Variants in TMTC4 observed in about 807,000 individuals in gnomAD.
TMTC4 encodes the protein protein O-mannosyl-transferase TMTC4.
Under a neutral mutation model 86.0 loss-of-function variants are expected in TMTC4, and 65 were observed. The ratio of observed to expected loss-of-function variants is 0.76; its 90% CI spans 0.62 to 0.93. The LOEUF (loss-of-function observed/expected upper bound fraction) is 0.93. TMTC4 is among the 40% of genes least tolerant of loss of function. The probability of loss-of-function intolerance (pLI) is 0.00; values close to 1 mark genes in which losing one functional copy is unlikely to be tolerated. For missense variants in TMTC4, 866 were observed against 948.1 expected, an observed-to-expected ratio of 0.91 and a Z score of 1.14; for synonymous variants, 379 against 382.5, an observed-to-expected ratio of 0.99 and a Z score of 0.11.
intron 8 of TMTC4, 27 bp from the exon 9 acceptor site, chr13:100,637,729 G>A (rs763772969): frequency 1.9e-6 from 3 of 1,603,302 alleles, no homozygotes; most frequent in African/African-American, 1.3e-5. Context: ...AAGCCCCAGA[G>A]GTGGCTGATT....
intron 6 of TMTC4, among the ~76,000 whole-genome samples, chr13:100,651,273 A>G (rs1421230433): frequency 6.6e-6 from 1 of 152,180 alleles, no homozygotes; most frequent in African/African-American, 2.4e-5. Flanking sequence ...CCAATCTGAA[A>G]TACCAGGCTT....
chr13:100,672,633 G>A (rs561802117), intron 1 of TMTC4, among the ~76,000 whole-genome samples: 1 of 152,124 alleles, frequency 6.6e-6, no homozygotes, highest in African/African-American at 2.4e-5. Context: ...TGGGACTATA[G>A]GCATATGCCA....
chr13:100,614,892 G>A, intron 15 of TMTC4: 2 of 984,510 alleles, frequency 2.0e-6, no homozygotes, highest in Non-Finnish European at 2.4e-6. Flanking sequence ...AGTGAACAAA[G>A]TATTTCTCAT....
At chr13:100,614,860 T>TG in intron 15 of TMTC4, 1 of 932,308 alleles carries the variant, frequency 1.1e-6, no homozygotes, top group Non-Finnish European at 1.3e-6. Flanking sequence ...AAGTTCATTG[T>TG]TGATAAAGTA....
At chr13:100,669,222 G>A (rs1328870245) in intron 2 of TMTC4, among the ~76,000 whole-genome samples, 1 of 152,096 alleles carries the variant, frequency 6.6e-6, no homozygotes, top group African/African-American at 2.4e-5. Context: ...TGGCAGGGGA[G>A]AGGGTCGTGT....
At chr13:100,650,743 G>T (rs1168514751) in intron 6 of TMTC4, among the ~76,000 whole-genome samples, 1 of 152,216 alleles carries the variant, frequency 6.6e-6, no homozygotes, top group African/African-American at 2.4e-5. Flanking sequence ...AGGGAAAAGA[G>T]AATCTGCATG....
At position 100,625,779 on chromosome 13, in the gene TMTC4, G is replaced by A. The variant is rs773982717; in HGVS notation, c.1694+6C>T. The A allele has an allele frequency of 1.2e-6, 2 of 1,612,470 alleles. No homozygotes were observed. The highest frequency in any genetic ancestry group is 2.2e-5 in the South Asian group (2 of 90,488). On this transcript the variant is annotated splice_donor_region_variant and intron_variant, in intron 14 of 18. Coordinates refer to ENST00000342624, the MANE Select transcript of TMTC4 (RefSeq NM_032813.5). ...TCACTAGCATAATTATAAAAACAAT[G>A]CTTACTGTATTTGAACAGCCAAAGA... is the stretch of plus-strand genomic sequence containing the variant.
chr13:100,660,489 C>A (rs1015673183), intron 5 of TMTC4, among the ~76,000 whole-genome samples: 12 of 152,114 alleles, frequency 7.9e-5, no homozygotes, highest in Non-Finnish European at 1.8e-4. Flanking sequence ...CCTCATCTCA[C>A]AGGGATCTAT....
At chr13:100,663,267 G>T in intron 4 of TMTC4, 87 bp from the exon 5 acceptor site, 1 of 1,193,222 alleles carries the variant, frequency 8.4e-7, no homozygotes, top group Non-Finnish European at 1.2e-6. Flanking sequence ...CTTGTGTGTG[G>T]AAATATTAAA....
intron 1 of TMTC4, 107 bp downstream of exon 1, chr13:100,674,612 AGCGCCGCTCTGGCCCGGGCCGCCGT>A (rs1038608021): frequency 4.2e-5 from 41 of 981,724 alleles, no homozygotes; most frequent in Non-Finnish European, 1.1e-5. Flanking sequence ...CTCCTCCAGC[AGCGCCGCTCTGGCCCGGGCCGCCGT>A]GCGGGGCTCG....
At chr13:100,636,038 T>A (rs566613682) in intron 10 of TMTC4, among the ~76,000 whole-genome samples, 1 of 152,374 alleles carries the variant, frequency 6.6e-6, no homozygotes, top group African/African-American at 2.4e-5. Context: ...TTCTTTTTCA[T>A]GAAACACATT....
chr13:100,668,488 A>G lies in TMTC4; in HGVS notation c.219+91T>C, dbSNP rs559860827. The G allele has an allele frequency of 1.3e-5, 17 of 1,348,172 alleles. No homozygotes were observed. The East Asian group carries it at 1.5e-4, about 12-fold the overall frequency. The allele number at this position is 1,348,172 out of a possible 1,614,324, so 83.5% of individuals were successfully genotyped here. On this transcript the variant is annotated intron_variant, in intron 3 of 18. Transcript: ENST00000342624. ...GGGCCCAGGCCAATGCTTAACCTAC[A>G]TTCCACAGAGAACAATGCAACACAT...
intron 12 of TMTC4, among the ~76,000 whole-genome samples, chr13:100,629,839 G>A (rs1025299593): frequency 8.5e-5 from 13 of 152,048 alleles, no homozygotes; most frequent in African/African-American, 3.1e-4. Context: ...AGGAAATATG[G>A]ACACAGACAC....
At chr13:100,652,706 C>T (rs1306096329) in intron 6 of TMTC4, among the ~76,000 whole-genome samples, 2 of 152,140 alleles carry the variant, frequency 1.3e-5, no homozygotes, top group Non-Finnish European at 2.9e-5. Flanking sequence ...AGAAAGGATC[C>T]TTACTGAGTG....
In TMTC4 at chr13:100,664,302, C is replaced by T. The variant is rs1886149062; in HGVS notation, c.254G>A (p.Trp85Ter). 2 of 1,611,562 alleles carry T rather than the reference C, an allele frequency of 1.2e-6. No individual in the cohort carries two copies. Among genetic ancestry groups the T allele is most frequent in the Non-Finnish European group, 1.7e-6 (2 of 1,178,748 alleles). Residue 85 changes from tryptophan (W) to a stop codon, truncating the protein, a stop_gained, in exon 4 of 19, where the codon TGG becomes TAG. Transcript: ENST00000342624. LOFTEE classifies it high-confidence loss of function. Reference protein sequence around the residue: ...LQAETPLGDLWHHDFWGSRLS... With the variant: ...LQAETPLGDL ...TCTACTGCCCCAGAAGTCATGATGC[C>T]ACAGGTCCCCCAGGGGCGTTTCTGC...
intron 17 of TMTC4, among the ~76,000 whole-genome samples, chr13:100,608,605 T>G (rs187179852): frequency 6.6e-6 from 1 of 152,176 alleles, no homozygotes; most frequent in Non-Finnish European, 1.5e-5. Context: ...GAGGGGCCTC[T>G]TTAGAACGCA....
chr13:100,645,612 C>T (rs1328587614), intron 6 of TMTC4, among the ~76,000 whole-genome samples: 4 of 151,702 alleles, frequency 2.6e-5, no homozygotes, highest in Non-Finnish European at 4.4e-5. Flanking sequence ...AGGTGAGCCC[C>T]GTGCACCGCT....
At chr13:100,622,764 ATTTC>A (rs1248326969) in intron 15 of TMTC4, among the ~76,000 whole-genome samples, 1 of 151,994 alleles carries the variant, frequency 6.6e-6, no homozygotes, top group Non-Finnish European at 1.5e-5. Context: ...TCACTTTAGT[ATTTC>A]TTTTTTTTTA....
intron 5 of TMTC4, 74 bp from the exon 6 acceptor site, chr13:100,656,542 C>CATTTTTTTTT: frequency 2.6e-6 from 1 of 384,140 alleles, no homozygotes. Flanking sequence ...GGAGACATAA[C>CATTTTTTTTT]TTTTTTTTTT....
Sources: gnomAD v4.1 joint callset for allele counts (sites outside exome capture counted in the v4.1 genomes callset) on GRCh38, gnomAD v4.1.1 for gene constraint, MANE v1.5 for transcripts, NCBI Gene and HGNC (gene_info 2026-07-23, HGNC 2026-07-21) for gene names.